RCAN2: variants seen among roughly 807,000 people sequenced by gnomAD.
The protein encoded by RCAN2 is regulator of calcineurin 2.
A neutral mutation model predicts 23.6 loss-of-function variants in RCAN2; 9 were observed. The ratio of observed to expected loss-of-function variants is 0.38; its 90% confidence interval spans 0.23 to 0.67. The LOEUF is 0.67. Ranked by LOEUF, RCAN2 falls within the 30% of genes least tolerant of loss-of-function variation. RCAN2 has a pLI of 0.51. For synonymous variants in RCAN2, 109 were observed against 115.7 expected, an observed-to-expected ratio of 0.94 and a Z score of 0.37; for missense variants, 273 against 302.3, an observed-to-expected ratio of 0.90 and a Z score of 0.72.
chr6:46,294,376 A>G (rs78910682), intron 2 of RCAN2, among the ~76,000 whole-genome samples: 1,928 of 152,268 alleles, frequency 0.013, 44 homozygotes, highest in African/African-American at 0.044. Context: ...ATAATTTGTT[A>G]TCTCTTTTCT....
intron 2 of RCAN2, among the ~76,000 whole-genome samples, chr6:46,358,811 C>A (rs1764914998): frequency 6.6e-6 from 1 of 152,142 alleles, no homozygotes. Context: ...AATCCCAATG[C>A]CCAGGCTACA....
intron 2 of RCAN2, among the ~76,000 whole-genome samples, chr6:46,445,302 C>T (rs1341049083): frequency 1.3e-5 from 2 of 152,146 alleles, no homozygotes; most frequent in East Asian, 3.9e-4. Flanking sequence ...AGGCCTAACC[C>T]TATGGACTCA....
intron 2 of RCAN2, among the ~76,000 whole-genome samples, chr6:46,407,846 G>C (rs1433610052): frequency 6.6e-6 from 1 of 152,152 alleles, no homozygotes; most frequent in Non-Finnish European, 1.5e-5. Flanking sequence ...CCTCCAAAAA[G>C]AGAAAGAGTA....
chr6:46,435,353 A>G (rs917559401), intron 2 of RCAN2, among the ~76,000 whole-genome samples: 1 of 152,204 alleles, frequency 6.6e-6, no homozygotes, highest in African/African-American at 2.4e-5. Flanking sequence ...CTATTTTGCT[A>G]TGATGCTTCC....
chr6:46,285,264 T>C (rs978796191), intron 2 of RCAN2, among the ~76,000 whole-genome samples: 1 of 152,224 alleles, frequency 6.6e-6, no homozygotes, highest in Non-Finnish European at 1.5e-5. Context: ...TGTTTAAAAA[T>C]ATAAATCAAT....
rs143908971 is a variant in RCAN2, at chr6:46,239,687, G to T, written c.571+7061C>A. ...CCTTGGTAAGATGGGGAAGGGGGAG[G>T]ATGAGAGTGAGCAAGAGAGCAAGGG... On this transcript the variant is annotated intron_variant, in intron 4 of 4. Transcript: ENST00000371374. Among the ~76,000 whole-genome samples the T allele has an allele frequency of 2.4e-3, 358 of 152,222 alleles. 1 individual carries two copies. Among genetic ancestry groups the T allele is most frequent in the African/African-American group, 8.4e-3 (348 of 41,520 alleles).
At chr6:46,367,053 A>ATATATC (rs1561877011) in intron 2 of RCAN2, among the ~76,000 whole-genome samples, 1 of 126,384 alleles carries the variant, frequency 7.9e-6, no homozygotes, top group East Asian at 2.6e-4. Context: ...ATATATATAT[A>ATATATC]TCCTAGCTGA....
chr6:46,301,167 T>G (rs915531887), intron 2 of RCAN2, among the ~76,000 whole-genome samples: 3 of 152,046 alleles, frequency 2.0e-5, no homozygotes, highest in African/African-American at 7.2e-5. Context: ...AACATGTAGT[T>G]AACACCATTG....
rs139333466 is a variant in RCAN2, at chr6:46,298,167, C to T, written c.226-49271G>A. On this transcript the variant is annotated intron_variant, in intron 2 of 4. Transcript: ENST00000371374. Reference sequence around the variant, plus strand: ...TTCTAAAATGCAATTATCTTCTCAGCAGCTTAGAAGGGAAAAATAATACTA... The same window carrying T: ...TTCTAAAATGCAATTATCTTCTCAGTAGCTTAGAAGGGAAAAATAATACTA... Among the ~76,000 whole-genome samples, 354 of 152,228 alleles carry T rather than the reference C, an allele frequency of 2.3e-3. 4 individuals are homozygous for T. Among genetic ancestry groups the T allele is most frequent in the African/African-American group, 8.2e-3 (340 of 41,540 alleles).
intron 2 of RCAN2, among the ~76,000 whole-genome samples, chr6:46,407,111 A>G (rs981913944): frequency 6.6e-6 from 1 of 152,212 alleles, no homozygotes; most frequent in African/African-American, 2.4e-5. Context: ...TTCCTAGTCA[A>G]CTCATATCAC....
intron 2 of RCAN2, among the ~76,000 whole-genome samples, chr6:46,392,037 A>T (rs1765952095): frequency 6.6e-6 from 1 of 152,228 alleles, no homozygotes; most frequent in Non-Finnish European, 1.5e-5. Flanking sequence ...GCCCAGCAGA[A>T]ATAAATGCCA....
intron 1 of RCAN2, among the ~76,000 whole-genome samples, chr6:46,481,331 T>C (rs974361134): frequency 3.3e-5 from 5 of 152,222 alleles, no homozygotes; most frequent in African/African-American, 1.2e-4. Flanking sequence ...ATAGGTTATC[T>C]ATGGATGTGC....
intron 2 of RCAN2, among the ~76,000 whole-genome samples, chr6:46,393,179 T>C (rs1765982847): frequency 6.6e-6 from 1 of 152,200 alleles, no homozygotes; most frequent in Non-Finnish European, 1.5e-5. Context: ...CTTTAAGGGC[T>C]CCCTAATATG....
At chr6:46,330,973 G>C (rs1763948882) in intron 2 of RCAN2, among the ~76,000 whole-genome samples, 1 of 152,132 alleles carries the variant, frequency 6.6e-6, no homozygotes, top group Non-Finnish European at 1.5e-5. Flanking sequence ...TGGGTACATA[G>C]AGTCTGGCTG....
chr6:46,447,313 C>T (rs192941379), intron 2 of RCAN2, among the ~76,000 whole-genome samples: 1 of 151,754 alleles, frequency 6.6e-6, no homozygotes, highest in African/African-American at 2.4e-5. Flanking sequence ...ATTGGAACAT[C>T]TAAAAATATA....
chr6:46,232,921 G>T (rs1420161468), intron 4 of RCAN2, among the ~76,000 whole-genome samples: 1 of 152,208 alleles, frequency 6.6e-6, no homozygotes, highest in Middle Eastern at 3.4e-3. Context: ...GGGTGGTGAC[G>T]GTTACATGGA....
intron 2 of RCAN2, among the ~76,000 whole-genome samples, chr6:46,260,200 A>G (rs561543304): frequency 6.6e-6 from 1 of 152,304 alleles, no homozygotes; most frequent in East Asian, 1.9e-4. Context: ...ATTAGCATAC[A>G]AAAAGACACT....
chr6:46,221,742 T>C lies in RCAN2; in HGVS notation c.*1399A>G. On this transcript the variant is annotated 3_prime_UTR_variant, in exon 5 of 5. Coordinates refer to ENST00000371374, the MANE Select transcript of RCAN2 (RefSeq NM_001251974.2). ...GTGTGTTTTTCTGAGGCTTGGGTAA[T>C]GAAAGTACTTCCCCACTCCATTGTA... 1 of 392,880 alleles carries C rather than the reference T, an allele frequency of 2.5e-6. No homozygotes were observed. The highest frequency in any genetic ancestry group is 3.6e-5 in the East Asian group (1 of 27,778). The allele number at this position is 392,880 out of a possible 1,614,324, so 24.3% of individuals were successfully genotyped here. A position where few individuals can be genotyped will look rare whatever the true frequency, so the allele number is the denominator to read the frequency against.
chr6:46,256,596 A>G (rs554562563), intron 2 of RCAN2, among the ~76,000 whole-genome samples: 121 of 152,208 alleles, frequency 7.9e-4, no homozygotes, highest in African/African-American at 2.8e-3. Flanking sequence ...GTAGTCTGAG[A>G]TGTACGGACA....
Sources: gnomAD v4.1 joint callset for allele counts (sites outside exome capture counted in the v4.1 genomes callset) on GRCh38, gnomAD v4.1.1 for gene constraint, MANE v1.5 for transcripts, NCBI Gene and HGNC (gene_info 2026-07-23, HGNC 2026-07-21) for gene names.